Variants in MTHFD2L observed in about 807,000 individuals in gnomAD.
MTHFD2L encodes the protein methylenetetrahydrofolate dehydrogenase (NADP+ dependent) 2 like, also known as bifunctional methylenetetrahydrofolate dehydrogenase/cyclohydrolase 2, mitochondrial.
Under a neutral mutation model 34.9 loss-of-function variants are expected in MTHFD2L, and 29 were observed. The ratio of observed to expected loss-of-function variants is 0.83; its 90% CI spans 0.62 to 1.13. The LOEUF (loss-of-function observed/expected upper bound fraction) is 1.13, where lower values mean the gene tolerates loss of function less well. MTHFD2L is among the 50% of genes most tolerant of loss of function. MTHFD2L has a pLI of 0.00. For missense variants in MTHFD2L, 481 were observed against 446.5 expected (o/e 1.08, Z -0.70); for synonymous variants, 167 against 155.7 (o/e 1.07, Z -0.54).
intron 6 of MTHFD2L, among the ~76,000 whole-genome samples, chr4:74,257,216 G>A (rs1210513957): frequency 6.6e-6 from 1 of 152,004 alleles, no homozygotes; most frequent in Non-Finnish European, 1.5e-5. Context: ...GTATGTGCTT[G>A]GCTATTGTAA....
At chr4:74,171,189 TTAA>T (rs1560440929) in intron 1 of MTHFD2L, among the ~76,000 whole-genome samples, 1 of 152,070 alleles carries the variant, frequency 6.6e-6, no homozygotes, top group Non-Finnish European at 1.5e-5. Flanking sequence ...GGCAAAAGAC[TTAA>T]TTATTTAATT....
chr4:74,140,749 A>C (rs367616125), intron 1 of MTHFD2L, among the ~76,000 whole-genome samples: 2 of 152,332 alleles, frequency 1.3e-5, no homozygotes, highest in East Asian at 3.9e-4. Flanking sequence ...GTCCTTCTTC[A>C]CATGGCAGCA....
chr4:74,231,920 A>G (rs1042707252), intron 6 of MTHFD2L, among the ~76,000 whole-genome samples: 1 of 152,228 alleles, frequency 6.6e-6, no homozygotes, highest in Non-Finnish European at 1.5e-5. Context: ...TTCTCAAAAA[A>G]AAACCTTTTG....
intron 6 of MTHFD2L, among the ~76,000 whole-genome samples, chr4:74,255,030 G>C (rs1458832835): frequency 6.6e-6 from 1 of 151,132 alleles, no homozygotes; most frequent in Non-Finnish European, 1.5e-5. Context: ...AGCTACTCGG[G>C]AGGCTGAGGC....
rs201600027 is a variant in MTHFD2L, at chr4:74,201,394, A to C, written c.712+24A>C. The C allele has an allele frequency of 1.4e-4, 215 of 1,528,092 alleles. No individual in the cohort carries two copies. In the African/African-American group the frequency reaches 2.6e-3, roughly 19 times the overall value. 94.7% of individuals were successfully genotyped at this position (1,528,092 alleles called of 1,614,324 possible). ...AGGTAGGTAGAACCTTGCAGATTCT[A>C]CACTCTCTCGCAGTATTCTTACTTC... On this transcript the variant is annotated intron_variant, in intron 5 of 7. Transcript: ENST00000325278.
intron 1 of MTHFD2L, among the ~76,000 whole-genome samples, chr4:74,129,532 C>G (rs1411935615): frequency 6.6e-6 from 1 of 151,976 alleles, no homozygotes; most frequent in Non-Finnish European, 1.5e-5. Flanking sequence ...TATTTAAAAC[C>G]AATTAGAAGA....
At chr4:74,300,876 G>C (rs192144407) in intron 7 of MTHFD2L, among the ~76,000 whole-genome samples, 2 of 152,120 alleles carry the variant, frequency 1.3e-5, no homozygotes, top group East Asian at 3.9e-4. Context: ...ACTTACATTA[G>C]CCTATATTTG....
chr4:74,198,537 C>T (rs1733871235), intron 3 of MTHFD2L, among the ~76,000 whole-genome samples: 1 of 152,120 alleles, frequency 6.6e-6, no homozygotes, highest in African/African-American at 2.4e-5. Context: ...ATATCCATGT[C>T]ATGAAGCTTC....
intron 1 of MTHFD2L, among the ~76,000 whole-genome samples, chr4:74,172,258 T>C (rs1029238740): frequency 1.3e-5 from 2 of 152,234 alleles, no homozygotes; most frequent in African/African-American, 2.4e-5. Context: ...TTCATTTTCT[T>C]GACTATAGTG....
chr4:74,185,345 C>G (rs933125684), intron 3 of MTHFD2L, among the ~76,000 whole-genome samples: 1 of 151,558 alleles, frequency 6.6e-6, no homozygotes, highest in Non-Finnish European at 1.5e-5. Context: ...AAGGGAAATA[C>G]ACAGCACTAA....
rs553724522 is a variant in MTHFD2L at position 74,164,278 on chromosome 4, C to T, written c.143+5997C>T. 2.9e-4 allele frequency among the ~76,000 whole-genome samples: 44 copies of T among 152,232 alleles called. No homozygotes were observed. The Middle Eastern group carries it at 0.01, about 35-fold the overall frequency. ...CTAAGATATGGATTTGCCAAGTATA[C>T]GAATTAAATAAACTCTTGATCTTGA... On this transcript the variant is annotated intron_variant, in intron 1 of 7. Transcript: ENST00000325278.
chr4:74,234,264 A>C (rs570282202), intron 6 of MTHFD2L, among the ~76,000 whole-genome samples: 2 of 152,196 alleles, frequency 1.3e-5, no homozygotes, highest in African/African-American at 4.8e-5. Context: ...AAATATACCC[A>C]AAAGTGTATA....
chr4:74,279,794 A>C (rs1253610295), intron 6 of MTHFD2L, among the ~76,000 whole-genome samples: 1 of 152,138 alleles, frequency 6.6e-6, no homozygotes, highest in Admixed American at 6.6e-5. Flanking sequence ...GAACCAATAA[A>C]AAAGATAAGT....
chr4:74,287,158 C>G (rs1263054538), intron 7 of MTHFD2L, among the ~76,000 whole-genome samples: 1 of 152,150 alleles, frequency 6.6e-6, no homozygotes, highest in Non-Finnish European at 1.5e-5. Flanking sequence ...GTCTACTCCT[C>G]TAGCGCAACT....
At chr4:74,157,604 C>T (rs1030571666), upstream of MTHFD2L, 4 of 454,372 alleles carry the variant, frequency 8.8e-6, no homozygotes, top group African/African-American at 4.0e-5. Flanking sequence ...TCCAGACCTT[C>T]CTTGTTCAGC....
intron 6 of MTHFD2L, among the ~76,000 whole-genome samples, chr4:74,234,118 G>T (rs979370314): frequency 4.6e-5 from 7 of 151,862 alleles, no homozygotes; most frequent in Non-Finnish European, 8.8e-5. Flanking sequence ...AATTCTATTT[G>T]GGTCCATGCA....
intron 1 of MTHFD2L, among the ~76,000 whole-genome samples, chr4:74,143,756 AT>A (rs5859416): frequency 0.11 from 16,879 of 152,180 alleles, 2,938 homozygotes; most frequent in African/African-American, 0.37. Context: ...AGAGTCAAAA[AT>A]TTTGAGCCCT....
At chr4:74,287,257 T>C (rs941939882) in intron 7 of MTHFD2L, among the ~76,000 whole-genome samples, 3 of 152,230 alleles carry the variant, frequency 2.0e-5, no homozygotes, top group African/African-American at 4.8e-5. Context: ...ATGTGACTTA[T>C]GCACTTAAAC....
At chr4:74,193,911 T>TA (rs372240118) in intron 3 of MTHFD2L, 31 of 152,330 alleles carry the variant, frequency 2.0e-4, no homozygotes, top group African/African-American at 7.2e-4. Context: ...ATTTTTTTGT[T>TA]ATCTTATTAC....
Sources: allele counts gnomAD v4.1 joint callset (sites outside exome capture counted in the v4.1 genomes callset), GRCh38; gene constraint gnomAD v4.1.1; transcripts MANE v1.5; gene names NCBI Gene and HGNC (gene_info 2026-07-23, HGNC 2026-07-21).